The following PTPRT variants were observed in gnomAD, a reference collection of about 807,000 sequenced individuals.
PTPRT encodes the protein protein tyrosine phosphatase receptor type T.
A neutral mutation model predicts 176.8 loss-of-function variants in PTPRT; 56 were observed. The observed-to-expected ratio is 0.32, with a 90% CI of 0.26 to 0.40. The LOEUF is 0.40. Among genes scored for constraint, PTPRT ranks in the 10% least tolerant of loss-of-function variants. The pLI, the probability that PTPRT is intolerant of heterozygous loss-of-function variation, is 1.00. For missense variants in PTPRT, 1,540 were observed against 1,908.2 expected (o/e 0.81, Z 3.60); for synonymous variants, 783 against 739.0 (o/e 1.06, Z -0.96).
At chr20:43,154,912 A>C (rs1279039530) in intron 1 of PTPRT, among the ~76,000 whole-genome samples, 1 of 152,216 alleles carries the variant, frequency 6.6e-6, no homozygotes, top group East Asian at 1.9e-4. Flanking sequence ...TTGATCCAAA[A>C]AAAAAGACAT....
intron 1 of PTPRT, among the ~76,000 whole-genome samples, chr20:43,006,560 C>G (rs529599615): frequency 1.7e-4 from 26 of 152,196 alleles, no homozygotes; most frequent in Non-Finnish European, 3.2e-4. Context: ...ACTCGACATC[C>G]TTGCCACCCC....
chr20:42,510,506 G>A (rs555209750), intron 7 of PTPRT, among the ~76,000 whole-genome samples: 1 of 152,100 alleles, frequency 6.6e-6, no homozygotes. Context: ...AAGATGAAGG[G>A]TATTTACTGG....
chr20:42,919,768 C>A lies in PTPRT; in HGVS notation c.89-33836G>T, dbSNP rs180723771. On this transcript the variant is annotated intron_variant, in intron 1 of 30. Coordinates refer to ENST00000373187, the MANE Select transcript of PTPRT (RefSeq NM_007050.6). ...AATTCCCCACCCTCAAATATAGATT[C>A]CTGTCCATTCATTTACTTACGAATG... Among the ~76,000 whole-genome samples the A allele has an allele frequency of 9.2e-5, 14 of 152,310 alleles. No homozygotes were observed. In the East Asian group the frequency reaches 2.7e-3, roughly 29 times the overall value.
intron 6 of PTPRT, among the ~76,000 whole-genome samples, chr20:42,723,264 T>G (rs2076329495): frequency 6.6e-6 from 1 of 152,088 alleles, no homozygotes; most frequent in African/African-American, 2.4e-5. Context: ...ATCTTCATTT[T>G]GCCAATATTA....
chr20:42,490,111 C>T (rs996692446), intron 7 of PTPRT, among the ~76,000 whole-genome samples: 2 of 152,192 alleles, frequency 1.3e-5, no homozygotes, highest in Non-Finnish European at 2.9e-5. Context: ...CTGCCTATTA[C>T]AGCATGCATT....
At chr20:42,862,722 G>T (rs2145797348) in intron 2 of PTPRT, among the ~76,000 whole-genome samples, 1 of 152,220 alleles carries the variant, frequency 6.6e-6, no homozygotes, top group South Asian at 2.1e-4. Flanking sequence ...GAGTGTAATT[G>T]CATTTATTTT....
chr20:42,390,477 G>A (rs1357280344), intron 9 of PTPRT, among the ~76,000 whole-genome samples: 1 of 152,120 alleles, frequency 6.6e-6, no homozygotes, highest in Non-Finnish European at 1.5e-5. Flanking sequence ...CTCCCAAGAT[G>A]GTCCCCAACC....
intron 19 of PTPRT, among the ~76,000 whole-genome samples, chr20:42,120,262 C>T (rs1171340172): frequency 6.6e-6 from 1 of 152,152 alleles, no homozygotes; most frequent in Non-Finnish European, 1.5e-5. Flanking sequence ...TATCCTTATG[C>T]ACCCAAAAAC....
chr20:42,062,728 C>T, the PTPRT span, among the ~76,000 whole-genome samples: 1 of 152,340 alleles, frequency 6.6e-6, no homozygotes, highest in Non-Finnish European at 1.5e-5. Flanking sequence ...CCTTCCCTAG[C>T]CTTTGGCCTA....
chr20:42,056,446 T>G, the PTPRT span, among the ~76,000 whole-genome samples: 6 of 152,196 alleles, frequency 3.9e-5, no homozygotes, highest in African/African-American at 1.4e-4. Flanking sequence ...GGTCTAAGCA[T>G]CTTTGGAGGC....
chr20:42,568,963 G>T (rs1166848451), intron 7 of PTPRT, among the ~76,000 whole-genome samples: 1 of 141,604 alleles, frequency 7.1e-6, no homozygotes, highest in Non-Finnish European at 1.5e-5. Flanking sequence ...CAGAAGAATC[G>T]CTTGAACCCG....
chr20:42,669,005 G>C (rs1012801558), intron 7 of PTPRT, among the ~76,000 whole-genome samples: 1 of 151,454 alleles, frequency 6.6e-6, no homozygotes, highest in Non-Finnish European at 1.5e-5. Flanking sequence ...TCACCACGCC[G>C]TGCCCAGATA....
At chr20:42,108,111 A>G (rs368999227) in intron 23 of PTPRT, among the ~76,000 whole-genome samples, 1 of 152,016 alleles carries the variant, frequency 6.6e-6, no homozygotes, top group African/African-American at 2.4e-5. Flanking sequence ...AATCAGCCCA[A>G]TTTGGTTCCA....
intron 15 of PTPRT, among the ~76,000 whole-genome samples, chr20:42,209,375 A>T (rs1488805621): frequency 6.6e-6 from 1 of 152,066 alleles, no homozygotes; most frequent in African/African-American, 2.4e-5. Flanking sequence ...TTTTGAAAGG[A>T]TCTACAAAAT....
At chr20:42,088,950 A>C (rs1984314829) in intron 27 of PTPRT, among the ~76,000 whole-genome samples, 1 of 152,234 alleles carries the variant, frequency 6.6e-6, no homozygotes, top group Non-Finnish European at 1.5e-5. Flanking sequence ...TAATAATAGT[A>C]ATAGCTATGA....
At chr20:42,473,070 C>T (rs777398440) in intron 7 of PTPRT, among the ~76,000 whole-genome samples, 7 of 152,168 alleles carry the variant, frequency 4.6e-5, no homozygotes, top group Non-Finnish European at 1.0e-4. Flanking sequence ...CAACCCGCAA[C>T]ACCCAGTTTA....
chr20:42,149,567 T>C (rs1989031180), intron 17 of PTPRT, among the ~76,000 whole-genome samples: 1 of 151,842 alleles, frequency 6.6e-6, no homozygotes. Context: ...GGGATTACAG[T>C]CCTGTGCCAC....
At chr20:42,381,941 G>T (rs2058701634) in intron 9 of PTPRT, among the ~76,000 whole-genome samples, 1 of 152,142 alleles carries the variant, frequency 6.6e-6, no homozygotes, top group South Asian at 2.1e-4. Context: ...TATAGAGAAA[G>T]GTGGCAGAGA....
At chr20:42,697,626 G>A (rs1022125677) in intron 6 of PTPRT, among the ~76,000 whole-genome samples, 6 of 152,188 alleles carry the variant, frequency 3.9e-5, no homozygotes, top group East Asian at 1.9e-4. Context: ...AGCACGTGAA[G>A]CATCACTTAA....
Sources: allele counts gnomAD v4.1 joint callset (sites outside exome capture counted in the v4.1 genomes callset), GRCh38; gene constraint gnomAD v4.1.1; transcripts MANE v1.5; gene names NCBI Gene and HGNC (gene_info 2026-07-23, HGNC 2026-07-21).